PEPD: variants seen among roughly 807,000 people sequenced by gnomAD.
The protein encoded by PEPD is peptidase D, also known as xaa-Pro dipeptidase.
PEPD carries 53 observed loss-of-function variants against 60.7 expected under a neutral mutation model. That is an observed-to-expected ratio of 0.87 (90% CI 0.70 to 1.10). The LOEUF is 1.10. PEPD is among the 50% of genes least tolerant of loss of function. PEPD has a pLI of 0.00. For missense variants in PEPD, 711 were observed against 711.9 expected (o/e 1.00, Z 0.01); for synonymous variants, 267 against 284.1 (o/e 0.94, Z 0.60).
chr19:33,470,292 T>A (rs1206180315), intron 7 of PEPD, among the ~76,000 whole-genome samples: 1 of 152,086 alleles, frequency 6.6e-6, no homozygotes, highest in Non-Finnish European at 1.5e-5. Flanking sequence ...TTATCAGGCT[T>A]CCCCTCGTTT....
chr19:33,493,766 C>T (rs1284186983), intron 4 of PEPD, among the ~76,000 whole-genome samples: 1 of 152,128 alleles, frequency 6.6e-6, no homozygotes, highest in Non-Finnish European at 1.5e-5. Context: ...CTCCCTGCTC[C>T]CCATTCAACC....
intron 14 of PEPD, 137 bp downstream of exon 14, chr19:33,387,753 G>T: frequency 1.2e-6 from 1 of 822,106 alleles, no homozygotes; most frequent in South Asian, 1.5e-5. Context: ...TCCTGTGACA[G>T]ACCACACGAA....
chr19:33,484,774 AC>A (rs1970367936), intron 6 of PEPD, among the ~76,000 whole-genome samples: 1 of 152,178 alleles, frequency 6.6e-6, no homozygotes, highest in Admixed American at 6.5e-5. Context: ...ACACACACAC[AC>A]ACTCAGACAC....
chr19:33,398,132 C>A (rs1968408836), intron 12 of PEPD, among the ~76,000 whole-genome samples: 2 of 152,242 alleles, frequency 1.3e-5, no homozygotes, highest in African/African-American at 4.8e-5. Flanking sequence ...CTGCGTCAAT[C>A]CGCCGCCCTG....
At chr19:33,510,964 C>T in intron 3 of PEPD, 64 bp downstream of exon 3, 2 of 1,557,290 alleles carry the variant, frequency 1.3e-6, no homozygotes, top group Non-Finnish European at 1.7e-6. Flanking sequence ...TCTCATCCCA[C>T]CTCCCCTACC....
Position 33,387,399 on chromosome 19 carries a change from T to A in PEPD, c.1427A>T (p.Glu476Val). 6.2e-7 allele frequency: 1 copy of A among 1,614,082 alleles called. No homozygotes were observed. Among genetic ancestry groups the A allele is most frequent in the Non-Finnish European group, 8.5e-7 (1 of 1,180,036 alleles). ...CTTGTCACAGCCTGCCATGCATGCT[T>A]CAATCTCTTCCACAGTGCGGGGCAC... ...TCVPRTVEEI[E>V]ACMAGCDKAF... The change falls in exon 15 of 15, where the codon GAA (glutamate) becomes GTA (valine). Residue 476 changes from glutamate (E) to valine (V), a missense_variant. Coordinates refer to ENST00000244137, the MANE Select transcript of PEPD (RefSeq NM_000285.4).
At chr19:33,417,479 T>A (rs1968914675) in intron 9 of PEPD, among the ~76,000 whole-genome samples, 1 of 152,172 alleles carries the variant, frequency 6.6e-6, no homozygotes, top group South Asian at 2.1e-4. Context: ...CTTCTGGGAC[T>A]CAACACCAAC....
At chr19:33,505,115 A>G (rs900436247) in intron 3 of PEPD, among the ~76,000 whole-genome samples, 9 of 152,204 alleles carry the variant, frequency 5.9e-5, no homozygotes, top group African/African-American at 2.2e-4. Flanking sequence ...TTCAAAAAGC[A>G]GGTCTTGCTG....
At chr19:33,414,539 C>T (rs1968847152) in intron 9 of PEPD, among the ~76,000 whole-genome samples, 1 of 152,308 alleles carries the variant, frequency 6.6e-6, no homozygotes, top group East Asian at 1.9e-4. Context: ...TCCTGCCGGA[C>T]CACAGCTGGT....
At chr19:33,518,751 C>T (rs188869192) in intron 1 of PEPD, among the ~76,000 whole-genome samples, 86 of 152,184 alleles carry the variant, frequency 5.7e-4, no homozygotes, top group African/African-American at 2.0e-3. Flanking sequence ...ACAAAAGAAC[C>T]CCAGGGGTTC....
chr19:33,470,617 C>CAT (rs1970104687), intron 7 of PEPD, among the ~76,000 whole-genome samples: 1 of 152,106 alleles, frequency 6.6e-6, no homozygotes, highest in Non-Finnish European at 1.5e-5. Flanking sequence ...TCTGAAAGGC[C>CAT]ATATATAGTC....
At chr19:33,498,311 C>T (rs559790998) in intron 4 of PEPD, among the ~76,000 whole-genome samples, 1 of 152,288 alleles carries the variant, frequency 6.6e-6, no homozygotes, top group East Asian at 1.9e-4. Context: ...CGACAATCTG[C>T]TTTGTATACG....
chr19:33,418,752 C>T (rs1227905591), intron 9 of PEPD, among the ~76,000 whole-genome samples: 1 of 152,162 alleles, frequency 6.6e-6, no homozygotes, highest in Non-Finnish European at 1.5e-5. Flanking sequence ...GCCTCCCCTT[C>T]CCCAGGCCCC....
chr19:33,387,392 G>A lies in PEPD; in HGVS notation c.1434C>T (p.Cys478=). The change falls in exon 15 of 15, where the codon TGC becomes TGT. Residue 478 remains cysteine, a synonymous_variant. Coordinates refer to ENST00000244137, the MANE Select transcript of PEPD (RefSeq NM_000285.4). ...TAAAGGCCTTGTCACAGCCTGCCATGCATGCTTCAATCTCTTCCACAGTGC... is the reference window on the plus strand; with the variant it reads ...TAAAGGCCTTGTCACAGCCTGCCATACATGCTTCAATCTCTTCCACAGTGC... ...VPRTVEEIEA[C]MAGCDKAFTP... 1 of 1,614,070 alleles carries A rather than the reference G, an allele frequency of 6.2e-7. No homozygotes were observed.
intron 11 of PEPD, among the ~76,000 whole-genome samples, chr19:33,410,702 G>C (rs1193882829): frequency 1.3e-5 from 2 of 152,224 alleles, no homozygotes; most frequent in Admixed American, 6.5e-5. Flanking sequence ...CAGGAGGCTT[G>C]TTCGGGTGCA....
intron 1 of PEPD, among the ~76,000 whole-genome samples, chr19:33,517,452 G>A (rs1474657499): frequency 2.6e-5 from 4 of 151,832 alleles, no homozygotes; most frequent in South Asian, 2.1e-4. Context: ...CCAGCCACTC[G>A]GGAGGCTGAG....
At chr19:33,398,509 G>C (rs532513390) in intron 12 of PEPD, among the ~76,000 whole-genome samples, 1 of 152,228 alleles carries the variant, frequency 6.6e-6, no homozygotes, top group African/African-American at 2.4e-5. Flanking sequence ...TGTGCCCGGC[G>C]GAGGGCTCTC....
chr19:33,519,849 T>C (rs1971098775), intron 1 of PEPD, among the ~76,000 whole-genome samples: 1 of 152,102 alleles, frequency 6.6e-6, no homozygotes, highest in Non-Finnish European at 1.5e-5. Flanking sequence ...GTGGATCACC[T>C]GAGGTCAGGA....
intron 13 of PEPD, chr19:33,388,497 C>T: frequency 3.2e-6 from 1 of 317,170 alleles, no homozygotes; most frequent in South Asian, 3.3e-5. Context: ...CCCCTTGGGG[C>T]CACAGCTTTC....
Sources: gnomAD v4.1 joint callset for allele counts (sites outside exome capture counted in the v4.1 genomes callset) on GRCh38, gnomAD v4.1.1 for gene constraint, MANE v1.5 for transcripts, NCBI Gene and HGNC (gene_info 2026-07-23, HGNC 2026-07-21) for gene names.